Variants in MALRD1 observed in about 807,000 individuals in gnomAD.
MALRD1 encodes the protein MAM and LDL receptor class A domain containing 1, also known as MAM and LDL-receptor class A domain-containing protein 1.
MALRD1 carries 247 observed loss-of-function variants against 242.1 expected under a neutral mutation model. The observed-to-expected ratio is 1.02, with a 90% confidence interval of 0.92 to 1.13. MALRD1 has a LOEUF of 1.13. Among genes scored for constraint, MALRD1 ranks in the 50% most tolerant of loss-of-function variants. The pLI is 0.00. For missense variants in MALRD1, 2,989 were observed against 2,533.1 expected, an observed-to-expected ratio of 1.18 and a Z score of -3.86; for synonymous variants, 995 against 866.6, an observed-to-expected ratio of 1.15 and a Z score of -2.60.
chr10:19,387,453 C>A, intron 26 of MALRD1, 75 bp from the exon 27 acceptor site: 1 of 1,462,010 alleles, frequency 6.8e-7, no homozygotes, highest in South Asian at 1.4e-5. Context: ...AATGAATCCA[C>A]TCTTACTGCT....
chr10:19,439,977 G>T (rs1442406055), intron 28 of MALRD1, among the ~76,000 whole-genome samples: 1 of 152,012 alleles, frequency 6.6e-6, no homozygotes, highest in Non-Finnish European at 1.5e-5. Context: ...TCTTGGCTTT[G>T]ATGTATACAT....
intron 24 of MALRD1, among the ~76,000 whole-genome samples, chr10:19,346,850 G>A (rs10827297): frequency 0.62 from 94,447 of 151,722 alleles, 29,630 homozygotes; most frequent in African/African-American, 0.68. Context: ...GGGTTTTACC[G>A]TGTTGGCCAG....
intron 38 of MALRD1, among the ~76,000 whole-genome samples, chr10:19,693,541 G>A (rs1432490699): frequency 1.3e-5 from 2 of 152,140 alleles, no homozygotes. Flanking sequence ...CCTCTTCAAA[G>A]AGAACTACAA....
At chr10:19,085,459 G>A (rs1345805431) in intron 2 of MALRD1, among the ~76,000 whole-genome samples, 1 of 151,906 alleles carries the variant, frequency 6.6e-6, no homozygotes, top group African/African-American at 2.4e-5. Context: ...TATTGCCACT[G>A]GGTGCATTTT....
rs61743565 is a variant in MALRD1 at position 19,730,754 on chromosome 10, G to A, written c.6363G>A (p.Gly2121=). The stretch of plus-strand genomic sequence containing the variant: ...GTGCCTTTGTCAATCCAGTTTACGG[G>A]AACTGGAGCAACCCAGAGAAAACAG... ...GNCAFVNPVY[G]NWSNPEKTES... The change falls in exon 39 of 40, where the codon GGG becomes GGA. Residue 2121 remains glycine, a synonymous_variant. Coordinates refer to ENST00000454679, the MANE Select transcript of MALRD1 (RefSeq NM_001142308.3). The A allele has an allele frequency of 1.4e-3, 2,216 of 1,536,654 alleles. 27 individuals carry two copies. The African/African-American group carries it at 0.025, about 17-fold the overall frequency.
At chr10:19,628,625 AG>A (rs1391256228) in intron 36 of MALRD1, among the ~76,000 whole-genome samples, 1 of 152,164 alleles carries the variant, frequency 6.6e-6, no homozygotes. Flanking sequence ...ATAGTTAGTG[AG>A]CTCTGTAGAA....
In MALRD1 at chr10:19,575,948, AT is replaced by A. The variant is rs1437292575; in HGVS notation, c.5680+8246del. On this transcript the variant is annotated intron_variant, in intron 33 of 39. Transcript: ENST00000454679. ...CAATTATGTTGTCATTTCCAGAAAGATAGACCACTCCCCTATCTTACCGTAA... is the reference window on the plus strand; with the variant it reads ...CAATTATGTTGTCATTTCCAGAAAGAAGACCACTCCCCTATCTTACCGTAA... Among the ~76,000 whole-genome samples the A allele has an allele frequency of 2.6e-5, 4 of 152,340 alleles. No individual in the cohort carries two copies. The East Asian group carries it at 7.7e-4, about 29-fold the overall frequency.
At chr10:19,676,893 A>G (rs1326400155) in intron 36 of MALRD1, among the ~76,000 whole-genome samples, 3 of 152,046 alleles carry the variant, frequency 2.0e-5, no homozygotes, top group Admixed American at 1.3e-4. Flanking sequence ...TTCAGCTTCC[A>G]CTTATAAGTG....
intron 38 of MALRD1, among the ~76,000 whole-genome samples, chr10:19,711,956 GC>G (rs1482854419): frequency 6.6e-6 from 1 of 152,126 alleles, no homozygotes; most frequent in Non-Finnish European, 1.5e-5. Context: ...TCAAAAGGGG[GC>G]AGGTGGTCAG....
intron 18 of MALRD1, among the ~76,000 whole-genome samples, chr10:19,238,565 A>AT (rs1838597518): frequency 1.7e-5 from 2 of 117,462 alleles, no homozygotes; most frequent in South Asian, 4.7e-4. Context: ...TATTATATAT[A>AT]ATATACATAA....
At chr10:19,198,517 T>C (rs1306328996) in intron 14 of MALRD1, among the ~76,000 whole-genome samples, 2 of 152,320 alleles carry the variant, frequency 1.3e-5, no homozygotes, top group Non-Finnish European at 2.9e-5. Flanking sequence ...TTGCCTTCTG[T>C]TGTAGAGGGA....
chr10:19,250,987 C>T (rs1400492820), intron 18 of MALRD1, among the ~76,000 whole-genome samples: 1 of 151,904 alleles, frequency 6.6e-6, no homozygotes, highest in Non-Finnish European at 1.5e-5. Flanking sequence ...CTGCCCTCAA[C>T]ACAGCAGAGG....
intron 28 of MALRD1, among the ~76,000 whole-genome samples, chr10:19,409,314 G>C (rs1244671978): frequency 1.3e-5 from 2 of 152,156 alleles, no homozygotes; most frequent in South Asian, 4.1e-4. Context: ...GGCTGGGTGA[G>C]TGCAGTGGCT....
intron 38 of MALRD1, among the ~76,000 whole-genome samples, chr10:19,721,030 A>G (rs1190159265): frequency 5.3e-5 from 8 of 152,162 alleles, no homozygotes; most frequent in Admixed American, 2.6e-4. Flanking sequence ...GAAGAAAAAA[A>G]AATAAAAGAA....
At chr10:19,094,071 T>G (rs1194774718) in intron 4 of MALRD1, among the ~76,000 whole-genome samples, 2 of 108,540 alleles carry the variant, frequency 1.8e-5, no homozygotes, top group African/African-American at 7.5e-5. Context: ...CCCCCAGAGG[T>G]GGAGCCTACA....
chr10:19,185,552 A>G (rs1247899897), intron 14 of MALRD1, among the ~76,000 whole-genome samples: 1 of 152,034 alleles, frequency 6.6e-6, no homozygotes, highest in Non-Finnish European at 1.5e-5. Context: ...CTGGTTATAT[A>G]TTTTCCTCAA....
intron 13 of MALRD1, among the ~76,000 whole-genome samples, chr10:19,174,898 C>A (rs377451302): frequency 3.3e-5 from 5 of 152,212 alleles, no homozygotes; most frequent in African/African-American, 1.2e-4. Flanking sequence ...CAGTTGATTA[C>A]CCCAAAGAGC....
Position 19,365,600 on chromosome 10 carries a change from G to A in MALRD1, c.4441+13303G>A, listed in dbSNP as rs145157645. 7.7e-3 allele frequency among the ~76,000 whole-genome samples: 1,059 copies of A among 137,036 alleles called. 13 individuals are homozygous for A. The highest frequency in any genetic ancestry group is 0.044 in the South Asian group (184 of 4,192). The allele number at this position is 137,036 out of a possible 152,430, so 89.9% of individuals were successfully genotyped here. A position where few individuals can be genotyped will look rare whatever the true frequency, so the allele number is the denominator to read the frequency against. On this transcript the variant is annotated intron_variant, in intron 26 of 39. Transcript: ENST00000454679. ...GTGTATTAGAATGGGTTTCTTATTC[G>A]TCCTGTTTGAGATTCATTAAGATTT...
chr10:19,276,595 A>C (rs1840538787), intron 19 of MALRD1, among the ~76,000 whole-genome samples: 1 of 152,172 alleles, frequency 6.6e-6, no homozygotes. Context: ...TCTTTCTCTG[A>C]TTCAGACTCT....
Sources: allele counts gnomAD v4.1 joint callset (sites outside exome capture counted in the v4.1 genomes callset), GRCh38; gene constraint gnomAD v4.1.1; transcripts MANE v1.5; gene names NCBI Gene and HGNC (gene_info 2026-07-23, HGNC 2026-07-21).